The following ARHGAP42 variants were observed in gnomAD, a reference collection of about 807,000 sequenced individuals.
ARHGAP42 encodes rho GTPase-activating protein 42.
A neutral mutation model predicts 125.0 loss-of-function variants in ARHGAP42; 63 were observed. The observed-to-expected ratio is 0.50, with a 90% CI of 0.41 to 0.62. ARHGAP42 has a LOEUF of 0.62. Among genes scored for constraint, ARHGAP42 ranks in the 20% least tolerant of loss-of-function variants. The probability of loss-of-function intolerance (pLI) is 0.00; values close to 1 mark genes in which losing one functional copy is unlikely to be tolerated. For synonymous variants in ARHGAP42, 339 were observed against 351.0 expected, an observed-to-expected ratio of 0.97 and a Z score of 0.38; for missense variants, 766 against 1,024.2, an observed-to-expected ratio of 0.75 and a Z score of 3.44.
chr11:100,897,559 C>T (rs1220041866), intron 4 of ARHGAP42, among the ~76,000 whole-genome samples: 1 of 152,064 alleles, frequency 6.6e-6, no homozygotes, highest in Non-Finnish European at 1.5e-5. Context: ...CCTTCACATC[C>T]CTTGTAAGTT....
intron 4 of ARHGAP42, among the ~76,000 whole-genome samples, chr11:100,878,832 T>C (rs2135172526): frequency 6.6e-6 from 1 of 152,208 alleles, no homozygotes; most frequent in South Asian, 2.1e-4. Context: ...GAAAGATGCC[T>C]CCATGGACTT....
chr11:100,709,573 TGTGA>T (rs147045044), intron 1 of ARHGAP42, among the ~76,000 whole-genome samples: 2,457 of 152,340 alleles, frequency 0.016, 78 homozygotes, highest in African/African-American at 0.055. Context: ...CTCAGTTGAC[TGTGA>T]GTAACTGAAA....
At chr11:100,898,108 T>TAA (rs1241984864) in intron 4 of ARHGAP42, among the ~76,000 whole-genome samples, 1 of 152,134 alleles carries the variant, frequency 6.6e-6, no homozygotes, top group East Asian at 1.9e-4. Context: ...TCATGGGGTT[T>TAA]TTGTGTTTGG....
chr11:100,948,651 A>C, intron 11 of ARHGAP42, 116 bp downstream of exon 11: 1 of 809,084 alleles, frequency 1.2e-6, no homozygotes, highest in Non-Finnish European at 1.8e-6. Context: ...AAATATTAAA[A>C]AAGGAAATCA....
intron 3 of ARHGAP42, among the ~76,000 whole-genome samples, chr11:100,834,307 G>A (rs1012056735): frequency 2.0e-5 from 3 of 152,142 alleles, no homozygotes; most frequent in Admixed American, 2.0e-4. Flanking sequence ...TATACTCATA[G>A]CATTTCTTTT....
At chr11:100,780,229 C>G (rs1036165204) in intron 2 of ARHGAP42, among the ~76,000 whole-genome samples, 1 of 151,770 alleles carries the variant, frequency 6.6e-6, no homozygotes, top group Non-Finnish European at 1.5e-5. Flanking sequence ...GTGGTAAACC[C>G]CTTTTTTAAA....
intron 1 of ARHGAP42, among the ~76,000 whole-genome samples, chr11:100,699,341 C>A (rs1861349274): frequency 6.6e-6 from 1 of 151,426 alleles, no homozygotes; most frequent in African/African-American, 2.4e-5. Context: ...TCCCATTTTT[C>A]ACCCCATCCA....
chr11:100,751,677 G>A (rs1591151320), intron 1 of ARHGAP42, among the ~76,000 whole-genome samples: 1 of 149,812 alleles, frequency 6.7e-6, no homozygotes, highest in East Asian at 2.0e-4. Flanking sequence ...GCAAGGGGGA[G>A]CCACCTCAGC....
chr11:100,881,553 T>G (rs191674087), intron 4 of ARHGAP42, among the ~76,000 whole-genome samples: 4 of 152,308 alleles, frequency 2.6e-5, no homozygotes, highest in African/African-American at 9.6e-5. Context: ...TTGGTTTGGC[T>G]ATGTGGGCTC....
At chr11:100,697,349 A>AT (rs1326932054) in intron 1 of ARHGAP42, among the ~76,000 whole-genome samples, 4 of 151,940 alleles carry the variant, frequency 2.6e-5, no homozygotes, top group Non-Finnish European at 4.4e-5. Context: ...CGCCCGGCTG[A>AT]TTTTTTGTAT....
chr11:100,824,445 C>T (rs1001365475), intron 3 of ARHGAP42, among the ~76,000 whole-genome samples: 9 of 152,090 alleles, frequency 5.9e-5, no homozygotes, highest in African/African-American at 9.7e-5. Flanking sequence ...AAAGAAAGAA[C>T]AGAAAGTCAT....
At chr11:100,920,333 T>G (rs1867201531) in intron 5 of ARHGAP42, among the ~76,000 whole-genome samples, 1 of 152,190 alleles carries the variant, frequency 6.6e-6, no homozygotes, top group African/African-American at 2.4e-5. Flanking sequence ...ACCTACTCCC[T>G]GCATAGTTGA....
intron 6 of ARHGAP42, among the ~76,000 whole-genome samples, chr11:100,922,543 G>T (rs1427768535): frequency 6.6e-6 from 1 of 152,036 alleles, no homozygotes; most frequent in Non-Finnish European, 1.5e-5. Context: ...AAATGTGTAA[G>T]TAATCAAATA....
At chr11:100,948,026 G>A (rs1196925794) in intron 10 of ARHGAP42, among the ~76,000 whole-genome samples, 1 of 151,998 alleles carries the variant, frequency 6.6e-6, no homozygotes, top group African/African-American at 2.4e-5. Flanking sequence ...GTTATGATAT[G>A]AGGCTTTCCA....
chr11:100,909,676 T>C (rs1380361840), intron 4 of ARHGAP42, among the ~76,000 whole-genome samples: 2 of 152,202 alleles, frequency 1.3e-5, no homozygotes, highest in East Asian at 3.8e-4. Context: ...TTGAAGTCTT[T>C]AACCCATCTT....
At chr11:100,729,403 CTG>C (rs758722661) in intron 1 of ARHGAP42, among the ~76,000 whole-genome samples, 16 of 151,946 alleles carry the variant, frequency 1.1e-4, no homozygotes, top group Non-Finnish European at 1.9e-4. Context: ...CATAAGAAAA[CTG>C]TGAATGCTAC....
At chr11:100,975,404 A>G (rs1858363986) in intron 19 of ARHGAP42, among the ~76,000 whole-genome samples, 1 of 152,210 alleles carries the variant, frequency 6.6e-6, no homozygotes, top group South Asian at 2.1e-4. Context: ...GATATATGTG[A>G]ATGCATTATT....
At chr11:100,829,587 C>T (rs982887751) in intron 3 of ARHGAP42, among the ~76,000 whole-genome samples, 15 of 152,136 alleles carry the variant, frequency 9.9e-5, no homozygotes, top group Non-Finnish European at 2.1e-4. Context: ...CTCCTCTGCC[C>T]CCTAGGGTGG....
chr11:100,919,892 C>G (rs1867186836), intron 5 of ARHGAP42, among the ~76,000 whole-genome samples: 1 of 152,108 alleles, frequency 6.6e-6, no homozygotes, highest in South Asian at 2.1e-4. Context: ...TTGAAACTGC[C>G]CATTTTGGTG....
Sources: gnomAD v4.1 joint callset for allele counts (sites outside exome capture counted in the v4.1 genomes callset) on GRCh38, gnomAD v4.1.1 for gene constraint, MANE v1.5 for transcripts, NCBI Gene and HGNC (gene_info 2026-07-23, HGNC 2026-07-21) for gene names.